IQGAP2: variants seen among roughly 807,000 people sequenced by gnomAD.
IQGAP2 encodes the protein ras GTPase-activating-like protein IQGAP2.
Under a neutral mutation model 201.3 loss-of-function variants are expected in IQGAP2, and 173 were observed. That is an observed-to-expected ratio of 0.86 (90% CI 0.76 to 0.98). The LOEUF (loss-of-function observed/expected upper bound fraction) is 0.98. IQGAP2 is among the 50% of genes least tolerant of loss of function. IQGAP2 has a pLI of 0.00. For missense variants in IQGAP2, 1,687 were observed against 1,864.8 expected (o/e 0.90, Z 1.76); for synonymous variants, 675 against 673.9 (o/e 1.00, Z -0.03).
chr5:76,675,695 AT>A (rs1744745405), intron 27 of IQGAP2, among the ~76,000 whole-genome samples: 1 of 152,176 alleles, frequency 6.6e-6, no homozygotes, highest in Non-Finnish European at 1.5e-5. Flanking sequence ...TTGGAAACTC[AT>A]TTCTCATTCC....
At position 76,616,517 on chromosome 5, in the gene IQGAP2, G is replaced by A. The variant is rs72777533; in HGVS notation, c.1521+5334G>A. On this transcript the variant is annotated intron_variant, in intron 13 of 35. Transcript: ENST00000274364. ...GGAAGATTAATCTGGCAGGACTTGT[G>A]AAGTGGTGGAGGGTAGGCTGGCAGT... The A allele has an allele frequency of 8.9e-3, 1,371 of 153,340 alleles. 14 individuals are homozygous for A. The highest frequency in any genetic ancestry group is 0.03 in the Middle Eastern group (9 of 304). 9.5% of individuals were successfully genotyped at this position (153,340 alleles called of 1,614,324 possible).
At chr5:76,617,261 A>G (rs1368816262) in intron 13 of IQGAP2, 3 of 210,356 alleles carry the variant, frequency 1.4e-5, no homozygotes, top group African/African-American at 2.3e-5. Context: ...CCTGGTCAAC[A>G]TGGTGAAACC....
Position 76,701,166 on chromosome 5 carries a change from G to C in IQGAP2, c.4458G>C (p.Leu1486=), listed in dbSNP as rs759810323. The C allele has an allele frequency of 2.5e-6, 4 of 1,614,120 alleles. No homozygotes were observed. The African/African-American group carries it at 5.3e-5, about 22-fold the overall frequency. Residue 1486 remains leucine, a synonymous_variant, in exon 34 of 36, where the codon CTG becomes CTC. Transcript: ENST00000274364. ...CAGTGAAGTACACTGCAGCAAAGCT[G>C]CATGAGAAAGGTGTCCTGCTAGATA... is the stretch of plus-strand genomic sequence containing the variant. ...AKPVKYTAAK[L]HEKGVLLDID... is the part of the protein sequence containing the mutation.
At chr5:76,416,531 C>CTTTTTTTTT (rs1200311978) in intron 1 of IQGAP2, among the ~76,000 whole-genome samples, 3,142 of 143,792 alleles carry the variant, frequency 0.022, 151 homozygotes, top group African/African-American at 0.076. Context: ...GTTCTTTGAG[C>CTTTTTTTTT]TTTTTTTTTT....
chr5:76,667,410 A>G (rs1204644577), intron 22 of IQGAP2, among the ~76,000 whole-genome samples: 1 of 152,192 alleles, frequency 6.6e-6, no homozygotes, highest in African/African-American at 2.4e-5. Context: ...AAGTATGGAA[A>G]AATTTTCTTC....
intron 15 of IQGAP2, among the ~76,000 whole-genome samples, chr5:76,632,887 TA>T (rs1368054653): frequency 6.6e-6 from 1 of 152,178 alleles, no homozygotes; most frequent in Non-Finnish European, 1.5e-5. Context: ...TCAAGTTTCA[TA>T]TATTTCCAAC....
At chr5:76,693,209 G>A in intron 30 of IQGAP2, 146 bp from the exon 31 acceptor site, 1 of 575,804 alleles carries the variant, frequency 1.7e-6, no homozygotes, top group East Asian at 2.9e-5. Context: ...AGCAGACCTG[G>A]TGAATATCCG....
At chr5:76,661,352 C>T (rs969714459) in intron 21 of IQGAP2, among the ~76,000 whole-genome samples, 1 of 152,076 alleles carries the variant, frequency 6.6e-6, no homozygotes, top group Non-Finnish European at 1.5e-5. Context: ...TAAGAGGTTT[C>T]CTGGAGGCAC....
intron 2 of IQGAP2, among the ~76,000 whole-genome samples, chr5:76,535,827 T>C (rs1164909325): frequency 6.6e-6 from 1 of 152,194 alleles, no homozygotes; most frequent in Non-Finnish European, 1.5e-5. Context: ...TTGTTAACCT[T>C]AATACAATGT....
intron 1 of IQGAP2, among the ~76,000 whole-genome samples, chr5:76,440,426 T>C (rs779839578): frequency 6.6e-6 from 1 of 152,166 alleles, no homozygotes; most frequent in Non-Finnish European, 1.5e-5. Context: ...AATACATTAA[T>C]TGAGTTGAAG....
chr5:76,566,181 G>T (rs1187545506), intron 3 of IQGAP2, among the ~76,000 whole-genome samples: 1 of 152,092 alleles, frequency 6.6e-6, no homozygotes, highest in African/African-American at 2.4e-5. Flanking sequence ...AAGCAGACAA[G>T]GGCCTGGTTT....
intron 2 of IQGAP2, among the ~76,000 whole-genome samples, chr5:76,531,422 T>TTTTA (rs563189046): frequency 0.011 from 1,628 of 152,002 alleles, 30 homozygotes; most frequent in African/African-American, 0.037. Context: ...CCCAGATAAT[T>TTTTA]TTTATTTATT....
intron 2 of IQGAP2, among the ~76,000 whole-genome samples, chr5:76,464,866 A>C (rs1754686921): frequency 6.6e-6 from 1 of 152,130 alleles, no homozygotes; most frequent in South Asian, 2.1e-4. Flanking sequence ...ACTCAATAAG[A>C]GACTTAAACA....
chr5:76,596,189 A>G (rs972700398), intron 9 of IQGAP2, among the ~76,000 whole-genome samples: 4 of 152,202 alleles, frequency 2.6e-5, no homozygotes, highest in Non-Finnish European at 5.9e-5. Context: ...TCATCTTGTC[A>G]AAAAGGGTTA....
chr5:76,707,129 T>C (rs1247895745), intron 35 of IQGAP2, 71 bp from the exon 36 acceptor site: 1 of 790,142 alleles, frequency 1.3e-6, no homozygotes, highest in African/African-American at 1.7e-5. Context: ...TGTCAACAAA[T>C]TCTTCTAATA....
chr5:76,590,096 C>T (rs531044968), intron 7 of IQGAP2, among the ~76,000 whole-genome samples: 2 of 152,290 alleles, frequency 1.3e-5, no homozygotes, highest in South Asian at 2.1e-4. Flanking sequence ...TTACCCATGT[C>T]GCCCTGACCA....
chr5:76,693,773 G>T, intron 31 of IQGAP2: 2 of 172,102 alleles, frequency 1.2e-5, no homozygotes, highest in Non-Finnish European at 2.5e-5. Context: ...ACAGGATATT[G>T]AAAAATACCT....
intron 11 of IQGAP2, among the ~76,000 whole-genome samples, chr5:76,604,001 T>A (rs1332808865): frequency 6.6e-6 from 1 of 152,148 alleles, no homozygotes; most frequent in Non-Finnish European, 1.5e-5. Flanking sequence ...TATTATACTT[T>A]AAGTTCTGGG....
At chr5:76,547,375 T>G (rs1743161180) in intron 2 of IQGAP2, 1 of 877,368 alleles carries the variant, frequency 1.1e-6, no homozygotes, top group South Asian at 5.2e-5. Flanking sequence ...GTCCATTATT[T>G]AACAATTCCA....
Sources: gnomAD v4.1 joint callset for allele counts (sites outside exome capture counted in the v4.1 genomes callset) on GRCh38, gnomAD v4.1.1 for gene constraint, MANE v1.5 for transcripts, NCBI Gene and HGNC (gene_info 2026-07-23, HGNC 2026-07-21) for gene names.